The following DOP1A variants were observed in gnomAD, a reference collection of about 807,000 sequenced individuals.
The protein encoded by DOP1A is protein DOP1A.
DOP1A carries 90 observed loss-of-function variants against 267.6 expected under a neutral mutation model. That is an observed-to-expected ratio of 0.34 (90% CI 0.28 to 0.40). The LOEUF (loss-of-function observed/expected upper bound fraction) is 0.40, where lower values mean the gene tolerates loss of function less well. Ranked by LOEUF, DOP1A falls within the 10% of genes least tolerant of loss-of-function variation. The pLI is 1.00. For synonymous variants in DOP1A, 932 were observed against 999.1 expected, an observed-to-expected ratio of 0.93 and a Z score of 1.27; for missense variants, 2,437 against 2,900.4, an observed-to-expected ratio of 0.84 and a Z score of 3.67.
chr6:83,123,031 C>T (rs1187169895), intron 12 of DOP1A, 49 bp downstream of exon 12: 1 of 1,541,832 alleles, frequency 6.5e-7, no homozygotes, highest in Non-Finnish European at 8.7e-7. Flanking sequence ...TAAAGCTAAC[C>T]TTTGGGTTTT....
At position 83,124,792 on chromosome 6, in the gene DOP1A, G is replaced by A; in HGVS notation, c.1428G>A (p.Val476=). ...AGCTGACCAATTTCTGCTTACTGGTGGATTTTTTGTTGGACATAGTTTCTT... is the reference window on the plus strand; with the variant it reads ...AGCTGACCAATTTCTGCTTACTGGTAGATTTTTTGTTGGACATAGTTTCTT... The part of the protein sequence containing the change: ...ELQLTNFCLL[V]DFLLDIVSLP... The change falls in exon 13 of 39, where the codon GTG becomes GTA. Residue 476 remains valine, a synonymous_variant. Coordinates refer to ENST00000349129, the MANE Select transcript of DOP1A (RefSeq NM_015018.4). The A allele has an allele frequency of 6.2e-7, 1 of 1,612,888 alleles. No homozygotes were observed.
Position 83,100,926 on chromosome 6 carries a change from G to T in DOP1A, c.320+40G>T, listed in dbSNP as rs778990408. On this transcript the variant is annotated intron_variant, in intron 4 of 38. Coordinates refer to ENST00000349129, the MANE Select transcript of DOP1A (RefSeq NM_015018.4). ...ACTATATATATACAAATAATATAAA[G>T]AAAATGTATTGCTAAACTATTTTAT... is the stretch of plus-strand genomic sequence containing the variant. The T allele has an allele frequency of 1.2e-5, 15 of 1,231,014 alleles. No homozygotes were observed. The South Asian group carries it at 3.8e-4, about 31-fold the overall frequency. The allele number at this position is 1,231,014 out of a possible 1,614,324, so 76.3% of individuals were successfully genotyped here.
chr6:83,081,419 G>A (rs1483338285), intron 1 of DOP1A, among the ~76,000 whole-genome samples: 1 of 152,078 alleles, frequency 6.6e-6, no homozygotes, highest in Non-Finnish European at 1.5e-5. Flanking sequence ...ACAACCAACT[G>A]GTTTTTGACA....
At position 83,129,151 on chromosome 6, in the gene DOP1A, GCAA is replaced by G; in HGVS notation, c.1986_1988del (p.Thr663del). ...CCCTTCCGTAGTCACTCAGGGGACA[GCAA>G]CCCGAAGTAGGAAGACAGCCCAAAA... is the stretch of plus-strand genomic sequence containing the variant. On this transcript the variant is annotated inframe_deletion, in exon 16 of 39. Transcript: ENST00000349129. The G allele has an allele frequency of 6.2e-7, 1 of 1,613,098 alleles. No individual in the cohort carries two copies. The highest frequency in any genetic ancestry group is 8.5e-7 in the Non-Finnish European group (1 of 1,179,562).
At chr6:83,109,439 G>T (rs554534355) in intron 5 of DOP1A, among the ~76,000 whole-genome samples, 1 of 152,038 alleles carries the variant, frequency 6.6e-6, no homozygotes, top group Non-Finnish European at 1.5e-5. Context: ...AAATCACTTA[G>T]TCCTTAGCCA....
chr6:83,130,420 A>AT, intron 17 of DOP1A, 23 bp downstream of exon 17: 1 of 1,592,224 alleles, frequency 6.3e-7, no homozygotes, highest in Non-Finnish European at 8.5e-7. Flanking sequence ...AAATGCATAT[A>AT]TGACTATGAT....
rs1414117889 is a variant in DOP1A at position 83,137,824 on chromosome 6, G to A, written c.3782G>A (p.Arg1261Lys). 1 of 1,613,606 alleles carries A rather than the reference G, an allele frequency of 6.2e-7. No homozygotes were observed. Among genetic ancestry groups the A allele is most frequent in the South Asian group, 1.1e-5 (1 of 91,060 alleles). ...GTTGCTTCCATAGAAACCAAATCTA[G>A]ACAAAGGAGTCACAGTAGTATTCAA... The part of the protein sequence containing the change: ...SSVASIETKS[R>K]QRSHSSIQFS... Residue 1261 changes from arginine to lysine, a missense_variant, in exon 21 of 39, where the codon AGA becomes AAA. Arg to Lys is a conservative substitution (Grantham distance 26). Around this residue, in one of 9 missense-constraint regions of DOP1A, gnomAD observed 878 missense variants for 992.9 expected, o/e 0.88. Transcript: ENST00000349129.
Position 83,135,753 on chromosome 6 carries a change from T to C in DOP1A, c.3005T>C (p.Leu1002Pro). ...RVLEPLLLLL[L>P]HPKTQRVSVQ... Reference sequence around the variant, plus strand: ...TTGGAACCATTGCTATTGCTCCTGCTTCATCCAAAAACTCAGAGGGTTTCA... The same window carrying C: ...TTGGAACCATTGCTATTGCTCCTGCCTCATCCAAAAACTCAGAGGGTTTCA... The change falls in exon 20 of 39, where the codon CTT becomes CCT. Residue 1002 changes from leucine (L) to proline (P), a missense_variant. Leu to Pro is a moderately conservative substitution (Grantham distance 98). Transcript: ENST00000349129. 1.9e-6 allele frequency: 3 copies of C among 1,613,732 alleles called. No individual in the cohort carries two copies. Among genetic ancestry groups the C allele is most frequent in the Non-Finnish European group, 2.5e-6 (3 of 1,179,724 alleles).
chr6:83,072,081 C>T (rs1289990847), intron 1 of DOP1A, among the ~76,000 whole-genome samples: 1 of 152,148 alleles, frequency 6.6e-6, no homozygotes, highest in Non-Finnish European at 1.5e-5. Context: ...CATTTCTAGA[C>T]TTTTTCCTCC....
At chr6:83,129,981 C>G in intron 16 of DOP1A, 142 bp from the exon 17 acceptor site, 1 of 972,318 alleles carries the variant, frequency 1.0e-6, no homozygotes, top group Non-Finnish European at 1.5e-6. Flanking sequence ...TATTAAAGCT[C>G]TAGACTAGGT....
chr6:83,074,383 T>A (rs1766659342), intron 1 of DOP1A, among the ~76,000 whole-genome samples: 1 of 152,188 alleles, frequency 6.6e-6, no homozygotes, highest in Non-Finnish European at 1.5e-5. Flanking sequence ...TTAGGGACAT[T>A]ATTCATTCAC....
intron 1 of DOP1A, among the ~76,000 whole-genome samples, chr6:83,082,795 T>A (rs1387938520): frequency 6.6e-6 from 1 of 151,978 alleles, no homozygotes; most frequent in Non-Finnish European, 1.5e-5. Flanking sequence ...GCTACATGTC[T>A]CTTTTTTAAA....
chr6:83,148,993 A>C (rs1781072250), intron 27 of DOP1A, 130 bp downstream of exon 27: 1 of 525,096 alleles, frequency 1.9e-6, no homozygotes, highest in Non-Finnish European at 3.1e-6. Flanking sequence ...TTGAGATGCA[A>C]AACTAGATGT....
intron 34 of DOP1A, among the ~76,000 whole-genome samples, 167 bp downstream of exon 34, chr6:83,156,270 A>C (rs569525093): frequency 3.3e-5 from 5 of 152,356 alleles, no homozygotes; most frequent in African/African-American, 1.2e-4. Flanking sequence ...TGGCATCTAA[A>C]AGAAATCATC....
chr6:83,165,659 G>A (rs1241278894), intron 38 of DOP1A: 3 of 202,478 alleles, frequency 1.5e-5, no homozygotes, highest in South Asian at 8.4e-5. Flanking sequence ...CCTGCAAAAC[G>A]TTGCTGAGAT....
chr6:83,150,549 C>G (rs888531144), intron 27 of DOP1A, among the ~76,000 whole-genome samples: 5 of 151,984 alleles, frequency 3.3e-5, no homozygotes, highest in African/African-American at 1.2e-4. Flanking sequence ...ACCTTTTTGC[C>G]AACCATTGTA....
rs139780249 is a variant in DOP1A at position 83,086,951 on chromosome 6, C to G, written c.-146-9780C>G. ...TTTTAGTTTTAGACCATGAGAGATT[C>G]GGGGGGTAGACTTTAGGCTGTAGAC... On this transcript the variant is annotated intron_variant, in intron 1 of 38. Coordinates refer to ENST00000349129, the MANE Select transcript of DOP1A (RefSeq NM_015018.4). 2.5e-3 allele frequency among the ~76,000 whole-genome samples: 383 copies of G among 152,026 alleles called. 1 individual carries two copies. The highest frequency in any genetic ancestry group is 4.2e-3 in the Non-Finnish European group (288 of 67,986).
At chr6:83,140,445 A>T (rs777075340) in intron 23 of DOP1A, 42 bp downstream of exon 23, 2 of 1,436,872 alleles carry the variant, frequency 1.4e-6, no homozygotes, top group Non-Finnish European at 1.9e-6. Flanking sequence ...CAAGAGTCTG[A>T]GGACCTTCCC....
intron 8 of DOP1A, 75 bp downstream of exon 8, chr6:83,119,062 TTGTA>T: frequency 7.9e-7 from 1 of 1,266,336 alleles, no homozygotes; most frequent in South Asian, 1.2e-5. Context: ...TATTACCAAG[TTGTA>T]TGTATGTCCT....
Sources: allele counts gnomAD v4.1 joint callset (sites outside exome capture counted in the v4.1 genomes callset), GRCh38; gene constraint gnomAD v4.1.1; regional missense constraint gnomAD v4.1.1; transcripts MANE v1.5; gene names NCBI Gene and HGNC (gene_info 2026-07-23, HGNC 2026-07-21).